MYORG: variants seen among roughly 807,000 people sequenced by gnomAD.
MYORG encodes myogenesis regulating glycosidase, also known as alpha-galactosidase MYORG.
Under a neutral mutation model 49.8 loss-of-function variants are expected in MYORG, and 45 were observed. The observed-to-expected ratio is 0.90, with a 90% CI of 0.71 to 1.16. The LOEUF (loss-of-function observed/expected upper bound fraction) is 1.16. Among genes scored for constraint, MYORG ranks in the 50% most tolerant of loss-of-function variants. The probability of loss-of-function intolerance (pLI) is 0.00; values close to 1 mark genes in which losing one functional copy is unlikely to be tolerated. For missense variants in MYORG, 1,110 were observed against 1,026.5 expected, an observed-to-expected ratio of 1.08 and a Z score of -1.11; for synonymous variants, 552 against 462.9, an observed-to-expected ratio of 1.19 and a Z score of -2.47.
At position 34,368,120 on chromosome 9, in the gene MYORG, T is replaced by G. The variant is rs894769599; in HGVS notation, c.*2679A>C. On this transcript the variant is annotated 3_prime_UTR_variant, in exon 2 of 2. Transcript: ENST00000297625. ...GGCCTGAGCTGTATCTTGGCCCCTT[T>G]TAGCCATGACTAGAGCAGCTGGGAT... 3 of 152,266 alleles carry G rather than the reference T, an allele frequency of 2.0e-5. No individual in the cohort carries two copies. Among genetic ancestry groups the G allele is most frequent in the Non-Finnish European group, 4.4e-5 (3 of 68,052 alleles). The allele number at this position is 152,266 out of a possible 1,614,324, so 9.4% of individuals were successfully genotyped here.
In MYORG at chr9:34,371,625, G is replaced by A. The variant is rs1256925245; in HGVS notation, c.1319C>T (p.Ala440Val). ...GAVLDFTHPK[A>V]RDWFQGHLRR... is the part of the protein sequence containing the mutation. ...CAGGTGTCCCTGGAACCAGTCGCGG[G>A]CCTTTGGGTGCGTGAAGTCTAGCAC... The change falls in exon 2 of 2, where the codon GCC (alanine) becomes GTC (valine). Residue 440 changes from alanine (A) to valine (V), a missense_variant. Ala to Val is a moderately conservative substitution (Grantham distance 64). Coordinates refer to ENST00000297625, the MANE Select transcript of MYORG (RefSeq NM_020702.5). 3 of 1,605,374 alleles carry A rather than the reference G, an allele frequency of 1.9e-6. No individual in the cohort carries two copies. The highest frequency in any genetic ancestry group is 1.7e-5 in the Admixed American group (1 of 59,138).
chr9:34,372,249 G>C lies in MYORG; in HGVS notation c.695C>G (p.Ser232Trp). ...ATTGACTTTGATGGCGGCCGCGCGC[G>C]AAGATAGCCAGTAGCGCTCGAGGAT... ...GGILERYWLS[S>W]RAAAIKVNDS... The change falls in exon 2 of 2, where the codon TCG (serine) becomes TGG (tryptophan). Residue 232 changes from serine (S) to tryptophan (W), a missense_variant. Transcript: ENST00000297625. 6.2e-7 allele frequency: 1 copy of C among 1,610,712 alleles called. No individual in the cohort carries two copies. Among genetic ancestry groups the C allele is most frequent in the Admixed American group, 1.7e-5 (1 of 59,732 alleles).
In MYORG at chr9:34,370,799, T is replaced by C. The variant is rs373156925; in HGVS notation, c.2145A>G (p.Ter715TrpextTer42). 1.9e-6 allele frequency: 3 copies of C among 1,569,230 alleles called. No homozygotes were observed. Among genetic ancestry groups the C allele is most frequent in the Non-Finnish European group, 2.6e-6 (3 of 1,152,050 alleles). Residue 715 changes from the stop codon to tryptophan, a stop_lost, in exon 2 of 2, where the codon TGA becomes TGG. Transcript: ENST00000297625. The stretch of plus-strand genomic sequence containing the variant: ...TGCGGTTACCGGGCCCTGGGCTGGG[T>C]CAGGACGCCCAGGTAAAGTAGGCGA... ...DEIAYFTWAS[*>W]
Position 34,370,583 on chromosome 9 carries a change from C to T in MYORG, c.*216G>A. 3 of 781,476 alleles carry T rather than the reference C, an allele frequency of 3.8e-6. No individual in the cohort carries two copies. Among genetic ancestry groups the T allele is most frequent in the South Asian group, 5.3e-5 (2 of 37,594 alleles). 48.4% of individuals were successfully genotyped at this position (781,476 alleles called of 1,614,324 possible). A position where few individuals can be genotyped will look rare whatever the true frequency, so the allele number is the denominator to read the frequency against. On this transcript the variant is annotated 3_prime_UTR_variant, in exon 2 of 2. Coordinates refer to ENST00000297625, the MANE Select transcript of MYORG (RefSeq NM_020702.5). ...GGTGTGAGTGTGGGGGTGGAAAGGG[C>T]ACAGTAAGGATTGTGCGTTGGAGCA...
At position 34,371,748 on chromosome 9, in the gene MYORG, G is replaced by A. The variant is rs1723300675; in HGVS notation, c.1196C>T (p.Ser399Leu). ...CTCCACGCCCTCGCCGAAGCGCGAC[G>A]AGTTGTAGTTGACAAAAGGGTGCAC... ...LWVHPFVNYNSSRFGEGVERE... is the reference protein window; with the variant it reads ...LWVHPFVNYNLSRFGEGVERE... Residue 399 changes from serine to leucine, a missense_variant, in exon 2 of 2, where the codon TCG (serine) becomes TTG (leucine). Physicochemically the swap from Ser to Leu is moderately radical, Grantham distance 145. Coordinates refer to ENST00000297625, the MANE Select transcript of MYORG (RefSeq NM_020702.5). 1.2e-6 allele frequency: 2 copies of A among 1,613,464 alleles called. No homozygotes were observed. Among genetic ancestry groups the A allele is most frequent in the Non-Finnish European group, 8.5e-7 (1 of 1,179,654 alleles).
In MYORG at chr9:34,367,805, A is replaced by G. The variant is rs1294002357; in HGVS notation, c.*2994T>C. The G allele has an allele frequency of 6.6e-6, 1 of 152,216 alleles. No individual in the cohort carries two copies. The highest frequency in any genetic ancestry group is 1.9e-4 in the East Asian group (1 of 5,188). 9.4% of individuals were successfully genotyped at this position (152,216 alleles called of 1,614,324 possible). On this transcript the variant is annotated 3_prime_UTR_variant, in exon 2 of 2. Transcript: ENST00000297625. ...TGCATGGTGCAAGCTGTCAGTGGAT[A>G]TACCATTCTGATGTCTGGAGGACGG...
intron 1 of MYORG, 43 bp from the exon 2 acceptor site, chr9:34,373,049 A>G (rs950095016): frequency 1.5e-6 from 2 of 1,344,496 alleles, no homozygotes; most frequent in Non-Finnish European, 1.0e-6. Context: ...ATCTCATCCC[A>G]TGATATTTCC....
chr9:34,371,637 G>C lies in MYORG; in HGVS notation c.1307C>G (p.Thr436Arg). The C allele has an allele frequency of 1.2e-6, 2 of 1,605,666 alleles. No homozygotes were observed. The highest frequency in any genetic ancestry group is 1.7e-6 in the Non-Finnish European group (2 of 1,177,312). The change falls in exon 2 of 2, where the codon ACG becomes AGG. Residue 436 changes from threonine (T) to arginine (R), a missense_variant. By Grantham distance (71) the Thr-to-Arg change is moderately conservative. Transcript: ENST00000297625. ...GAACCAGTCGCGGGCCTTTGGGTGC[G>C]TGAAGTCTAGCACCGCGCCGATGCC... ...WNGIGAVLDF[T>R]HPKARDWFQG...
rs1303244233 is a variant in MYORG at position 34,372,757 on chromosome 9, G to A, written c.187C>T (p.Leu63=). Residue 63 remains leucine (L), a synonymous_variant, in exon 2 of 2, where the codon CTG becomes TTG. Coordinates refer to ENST00000297625, the MANE Select transcript of MYORG (RefSeq NM_020702.5). ...DLKPLLGSAV[L]GLLLVLAAVV... ...GCGGCCAGCACAAGCAGCAGCCCCA[G>A]AACCGCGGAGCCCAGCAGCGGCTTC... is the stretch of plus-strand genomic sequence containing the variant. 6.2e-7 allele frequency: 1 copy of A among 1,613,738 alleles called. No individual in the cohort carries two copies. Among genetic ancestry groups the A allele is most frequent in the East Asian group, 2.2e-5 (1 of 44,896 alleles).
Position 34,370,741 on chromosome 9 carries a change from A to G in MYORG, c.*58T>C. 6.7e-7 allele frequency: 1 copy of G among 1,491,496 alleles called. No homozygotes were observed. Among genetic ancestry groups the G allele is most frequent in the East Asian group, 2.4e-5 (1 of 41,394 alleles). The allele number at this position is 1,491,496 out of a possible 1,614,324, so 92.4% of individuals were successfully genotyped here. A position where few individuals can be genotyped will look rare whatever the true frequency, so the allele number is the denominator to read the frequency against. On this transcript the variant is annotated 3_prime_UTR_variant, in exon 2 of 2. Transcript: ENST00000297625. ...GGAGTACATGGTGCGGGTGTGACGG[A>G]GGGTTCAAGGTCTGCATGAAGACTG...
At position 34,369,660 on chromosome 9, in the gene MYORG, G is replaced by C. The variant is rs530046616; in HGVS notation, c.*1139C>G. The C allele has an allele frequency of 1.3e-3, 195 of 149,312 alleles. No homozygotes were observed. The highest frequency in any genetic ancestry group is 2.3e-3 in the Non-Finnish European group (159 of 68,394). The allele number at this position is 149,312 out of a possible 1,614,324, so 9.2% of individuals were successfully genotyped here. ...TGACAGAGCAAGACTCCATCTAAGG[G>C]GGGGCGGGGGGAAGAGAAAATGGCT... On this transcript the variant is annotated 3_prime_UTR_variant, in exon 2 of 2. Transcript: ENST00000297625.
intron 1 of MYORG, among the ~76,000 whole-genome samples, chr9:34,374,777 C>G (rs1013077142): frequency 1.3e-5 from 2 of 151,586 alleles, no homozygotes; most frequent in African/African-American, 4.9e-5. Flanking sequence ...TGGTGTGCAC[C>G]TGTAGTCCCA....
chr9:34,372,184 G>T lies in MYORG; in HGVS notation c.760C>A (p.Arg254Ser), dbSNP rs1820619867. ...PFHLGWNSTE[R>S]SLRLQARYHD... ...TAGCGCGCCTGAAGCCGCAGCGAGC[G>T]CTCCGTGCTGTTCCAGCCCAGGTGG... Residue 254 changes from arginine (R) to serine (S), a missense_variant, in exon 2 of 2, where the codon CGC (arginine) becomes AGC (serine). Coordinates refer to ENST00000297625, the MANE Select transcript of MYORG (RefSeq NM_020702.5). 6.2e-7 allele frequency: 1 copy of T among 1,611,706 alleles called. No homozygotes were observed. Among genetic ancestry groups the T allele is most frequent in the East Asian group, 2.2e-5 (1 of 44,836 alleles).
chr9:34,370,947 A>C lies in MYORG; in HGVS notation c.1997T>G (p.Leu666Arg). Residue 666 changes from leucine to arginine, a missense_variant, in exon 2 of 2, where the codon CTG becomes CGG. Leu to Arg is a moderately radical substitution (Grantham distance 102). Transcript: ENST00000297625. The part of the protein sequence containing the change: ...IGDTLLVAPV[L>R]EPGKQERDVY... The stretch of plus-strand genomic sequence containing the variant: ...GTCGCGCTCCTGCTTGCCTGGCTCC[A>C]GCACCGGGGCCACAAGCAGCGTGTC... 6.2e-7 allele frequency: 1 copy of C among 1,613,508 alleles called. No homozygotes were observed. The highest frequency in any genetic ancestry group is 1.1e-5 in the South Asian group (1 of 91,088).
intron 1 of MYORG, among the ~76,000 whole-genome samples, chr9:34,374,868 C>T (rs1034708648): frequency 3.4e-5 from 5 of 146,986 alleles, no homozygotes; most frequent in African/African-American, 1.3e-4. Context: ...TGCCACTGCA[C>T]TCCAGCCTAG....
At position 34,372,754 on chromosome 9, in the gene MYORG, C is replaced by A; in HGVS notation, c.190G>T (p.Gly64Trp). Residue 64 changes from glycine to tryptophan, a missense_variant, in exon 2 of 2, where the codon GGG becomes TGG. Physicochemically the swap from Gly to Trp is radical, Grantham distance 184. Transcript: ENST00000297625. ...ACCGCGGCCAGCACAAGCAGCAGCCCCAGAACCGCGGAGCCCAGCAGCGGC... is the reference window on the plus strand; with the variant it reads ...ACCGCGGCCAGCACAAGCAGCAGCCACAGAACCGCGGAGCCCAGCAGCGGC... ...LKPLLGSAVL[G>W]LLLVLAAVVA... 1 of 1,613,852 alleles carries A rather than the reference C, an allele frequency of 6.2e-7. No homozygotes were observed. Among genetic ancestry groups the A allele is most frequent in the Non-Finnish European group, 8.5e-7 (1 of 1,179,808 alleles).
At position 34,372,802 on chromosome 9, in the gene MYORG, G is replaced by C. The variant is rs1820652628; in HGVS notation, c.142C>G (p.Pro48Ala). 4 of 1,613,916 alleles carry C rather than the reference G, an allele frequency of 2.5e-6. No homozygotes were observed. In the African/African-American group the frequency reaches 5.3e-5, roughly 22 times the overall value. Residue 48 changes from proline to alanine, a missense_variant, in exon 2 of 2, where the codon CCC becomes GCC. Coordinates refer to ENST00000297625, the MANE Select transcript of MYORG (RefSeq NM_020702.5). ...FLPDNFSPAKPKPSKDLKPLL... is the reference protein window; with the variant it reads ...FLPDNFSPAKAKPSKDLKPLL... ...GGCTTCAGGTCTTTGGAAGGCTTGG[G>C]CTTGGCAGGTGAGAAGTTGTCGGGC...
chr9:34,374,901 CA>C (rs10651045), intron 1 of MYORG, among the ~76,000 whole-genome samples: 82 of 121,586 alleles, frequency 6.7e-4, no homozygotes, highest in African/African-American at 2.2e-3. Flanking sequence ...GACCCTATCT[CA>C]AAAAAAAAAA....
chr9:34,370,603 G>T lies in MYORG; in HGVS notation c.*196C>A. The T allele has an allele frequency of 2.1e-6, 2 of 943,146 alleles. No homozygotes were observed. Among genetic ancestry groups the T allele is most frequent in the Non-Finnish European group, 3.1e-6 (2 of 654,664 alleles). The allele number at this position is 943,146 out of a possible 1,614,324, so 58.4% of individuals were successfully genotyped here. A position where few individuals can be genotyped will look rare whatever the true frequency, so the allele number is the denominator to read the frequency against. The stretch of plus-strand genomic sequence containing the variant: ...AAGGGCACAGTAAGGATTGTGCGTT[G>T]GAGCAGGAGATTGCTTCAGTGCCCC... On this transcript the variant is annotated 3_prime_UTR_variant, in exon 2 of 2. Coordinates refer to ENST00000297625, the MANE Select transcript of MYORG (RefSeq NM_020702.5).
Sources: gnomAD v4.1 joint callset for allele counts (sites outside exome capture counted in the v4.1 genomes callset) on GRCh38, gnomAD v4.1.1 for gene constraint, MANE v1.5 for transcripts, NCBI Gene and HGNC (gene_info 2026-07-23, HGNC 2026-07-21) for gene names.